NAV1: variants seen among roughly 807,000 people sequenced by gnomAD.
NAV1 encodes neuron navigator 1.
NAV1 carries 18 observed loss-of-function variants against 175.2 expected under a neutral mutation model. That is an observed-to-expected ratio of 0.10 (90% CI 0.07 to 0.15). The LOEUF (loss-of-function observed/expected upper bound fraction) is 0.15. Among genes scored for constraint, NAV1 ranks in the 10% least tolerant of loss-of-function variants. The pLI, the probability that NAV1 is intolerant of heterozygous loss-of-function variation, is 1.00. For missense variants in NAV1, 1,731 were observed against 2,436.6 expected, an observed-to-expected ratio of 0.71 and a Z score of 6.10; for synonymous variants, 897 against 978.7, an observed-to-expected ratio of 0.92 and a Z score of 1.56.
chr1:201,604,229 T>A (rs1667605363), intron 2 of NAV1, among the ~76,000 whole-genome samples: 1 of 152,152 alleles, frequency 6.6e-6, no homozygotes, highest in South Asian at 2.1e-4. Flanking sequence ...TAATTTTTAA[T>A]TTTTTTGTAG....
intron 2 of NAV1, among the ~76,000 whole-genome samples, chr1:201,633,116 T>G (rs903876242): frequency 1.3e-5 from 2 of 152,160 alleles, no homozygotes; most frequent in African/African-American, 4.8e-5. Flanking sequence ...TCCTTTTCAA[T>G]GAGGGAGAGA....
chr1:201,804,424 AT>A, intron 16 of NAV1, 64 bp from the exon 21 acceptor site: 2 of 1,483,880 alleles, frequency 1.3e-6, no homozygotes, highest in South Asian at 2.5e-5. Flanking sequence ...GAAATGAGTG[AT>A]TAAGTGTTGA....
intron 3 of NAV1, among the ~76,000 whole-genome samples, chr1:201,738,977 C>G (rs1330276419): frequency 6.6e-6 from 1 of 152,144 alleles, no homozygotes; most frequent in Non-Finnish European, 1.5e-5. Context: ...CTGGAGGAAG[C>G]AAGGGTGAGG....
chr1:201,543,254 T>C (rs1210360415), intron 1 of NAV1, among the ~76,000 whole-genome samples: 1 of 152,216 alleles, frequency 6.6e-6, no homozygotes, highest in African/African-American at 2.4e-5. Context: ...GAGCGTGATG[T>C]TAGCTGTGGG....
chr1:201,780,920 G>T, intron 4 of NAV1, 92 bp from the exon 9 acceptor site: 1 of 1,383,932 alleles, frequency 7.2e-7, no homozygotes, highest in Non-Finnish European at 9.7e-7. Flanking sequence ...GAGATGAGCA[G>T]CGCCAGGTAC....
At chr1:201,688,114 G>A (rs1165328453) in intron 1 of NAV1, 3 of 152,230 alleles carry the variant, frequency 2.0e-5, no homozygotes, top group Non-Finnish European at 4.4e-5. Flanking sequence ...TACTCACGTA[G>A]CAAGGTTGTC....
chr1:201,642,915 GC>G (rs1668844526), intron 2 of NAV1, among the ~76,000 whole-genome samples: 2 of 151,592 alleles, frequency 1.3e-5, no homozygotes, highest in South Asian at 4.2e-4. Flanking sequence ...GACTACAGGC[GC>G]CCACCACCAC....
intron 10 of NAV1, 53 bp from the exon 15 acceptor site, chr1:201,789,687 C>A: frequency 6.4e-7 from 1 of 1,558,000 alleles, no homozygotes; most frequent in Non-Finnish European, 8.9e-7. Context: ...CTTCCAAAAA[C>A]CCCTTGTCCC....
intron 2 of NAV1, among the ~76,000 whole-genome samples, chr1:201,635,161 C>T (rs916975708): frequency 3.3e-5 from 5 of 152,134 alleles, no homozygotes; most frequent in African/African-American, 7.2e-5. Context: ...ACCTAACCCT[C>T]CCAAGTAGCT....
chr1:201,618,976 A>G (rs191994121), upstream of NAV1, among the ~76,000 whole-genome samples: 3 of 152,160 alleles, frequency 2.0e-5, no homozygotes, highest in East Asian at 1.9e-4. Flanking sequence ...TCCACCACCC[A>G]AAGATGGTCT....
At chr1:201,745,970 T>G (rs1373618046) in intron 3 of NAV1, among the ~76,000 whole-genome samples, 1 of 151,858 alleles carries the variant, frequency 6.6e-6, no homozygotes, top group East Asian at 1.9e-4. Flanking sequence ...CAGCTGGGAC[T>G]GCAGGTGCAT....
At chr1:201,738,814 T>TA (rs527796296) in intron 3 of NAV1, among the ~76,000 whole-genome samples, 7 of 152,108 alleles carry the variant, frequency 4.6e-5, no homozygotes, top group African/African-American at 1.4e-4. Context: ...TTAGGGGGCT[T>TA]AAAAAAATGC....
At chr1:201,800,025 G>C (rs111481350) in intron 15 of NAV1, among the ~76,000 whole-genome samples, 1 of 151,078 alleles carries the variant, frequency 6.6e-6, no homozygotes, top group Non-Finnish European at 1.5e-5. Flanking sequence ...TTTGAGAGAG[G>C]GTATCACTCT....
chr1:201,802,035 G>T (rs1677909697), intron 15 of NAV1, among the ~76,000 whole-genome samples: 1 of 147,854 alleles, frequency 6.8e-6, no homozygotes, highest in Non-Finnish European at 1.5e-5. Flanking sequence ...TACTTGGGAG[G>T]CTGAGGCAGG....
chr1:201,589,176 T>A (rs1376654230), intron 2 of NAV1, among the ~76,000 whole-genome samples: 1 of 152,204 alleles, frequency 6.6e-6, no homozygotes, highest in Non-Finnish European at 1.5e-5. Context: ...TATATTTGAA[T>A]CATATCTCCA....
Position 201,807,876 on chromosome 1 carries a change from A to C in NAV1, c.3649-77A>C. ...CCCCGCCTCCAGCTCTCTCTGTCTC[A>C]GAAGTCTCAATCCAGTCCTCCCCCA... is the stretch of plus-strand genomic sequence containing the variant. On this transcript the variant is annotated intron_variant, in intron 17 of 29. Coordinates refer to ENST00000367296, the Ensembl canonical transcript of NAV1. The surrounding 1 kb of genome is among the most constrained non-coding windows in gnomAD (Gnocchi z 5.4). The C allele has an allele frequency of 7.0e-7, 1 of 1,418,832 alleles. No individual in the cohort carries two copies. The highest frequency in any genetic ancestry group is 9.8e-7 in the Non-Finnish European group (1 of 1,015,374). The allele number at this position is 1,418,832 out of a possible 1,614,324, so 87.9% of individuals were successfully genotyped here. A position where few individuals can be genotyped will look rare whatever the true frequency, so the allele number is the denominator to read the frequency against.
chr1:201,549,083 CTT>C (rs1557992082), intron 1 of NAV1, among the ~76,000 whole-genome samples: 2 of 63,426 alleles, frequency 3.2e-5, no homozygotes, highest in African/African-American at 8.7e-5. Context: ...TTTTCTCTTT[CTT>C]TCTTTCTTTC....
chr1:201,808,063 C>A lies in NAV1; in HGVS notation c.3759C>A (p.Ser1253=), dbSNP rs1197385210. The A allele has an allele frequency of 6.2e-7, 1 of 1,614,184 alleles. No individual in the cohort carries two copies. Among genetic ancestry groups the A allele is most frequent in the East Asian group, 2.2e-5 (1 of 44,872 alleles). The change falls in exon 18 of 30, where the codon TCC becomes TCA. Residue 1253 remains serine (S), a synonymous_variant. Transcript: ENST00000367296. This position sits in a 1 kb window ranked among gnomAD's most constrained non-coding sequence, Gnocchi z 5.5. ...CACCCGACTCTTCAGCCCCCTCATC[C>A]CCCAAACTACAGCATGGTTCTACAG...
intron 1 of NAV1, among the ~76,000 whole-genome samples, chr1:201,574,865 G>T (rs182720066): frequency 6.6e-6 from 1 of 152,186 alleles, no homozygotes; most frequent in Non-Finnish European, 1.5e-5. Flanking sequence ...TGTTGCCCCC[G>T]CCACACATTG....
Sources: gnomAD v4.1 joint callset for allele counts (sites outside exome capture counted in the v4.1 genomes callset) on GRCh38, gnomAD v4.1.1 for gene constraint, Gnocchi (gnomAD v3.1) non-coding constraint, MANE v1.5 for transcripts, NCBI Gene and HGNC (gene_info 2026-07-23, HGNC 2026-07-21) for gene names.